The following LRP1B variants were observed in gnomAD, a reference collection of about 807,000 sequenced individuals.
LRP1B encodes the protein low-density lipoprotein receptor-related protein 1B.
Under a neutral mutation model 556.6 loss-of-function variants are expected in LRP1B, and 217 were observed. The observed-to-expected ratio is 0.39, with a 90% CI of 0.35 to 0.44. LRP1B has a LOEUF of 0.44. Ranked by LOEUF, LRP1B falls within the 20% of genes least tolerant of loss-of-function variation. LRP1B has a pLI of 1.00. For missense variants in LRP1B, 5,053 were observed against 5,620.8 expected, an observed-to-expected ratio of 0.90 and a Z score of 3.23; for synonymous variants, 2,047 against 1,865.8, an observed-to-expected ratio of 1.10 and a Z score of -2.50.
chr2:140,282,960 C>G (rs1682977776), intron 84 of LRP1B, among the ~76,000 whole-genome samples: 1 of 151,726 alleles, frequency 6.6e-6, no homozygotes, highest in African/African-American at 2.4e-5. Flanking sequence ...TAAGACATAC[C>G]TACAGCATTA....
chr2:141,317,812 A>G (rs1679396212), intron 3 of LRP1B, among the ~76,000 whole-genome samples: 1 of 152,172 alleles, frequency 6.6e-6, no homozygotes, highest in South Asian at 2.1e-4. Context: ...GAAGATCAAG[A>G]GTGAAAAATA....
chr2:140,614,253 T>C (rs1168081812), intron 41 of LRP1B, among the ~76,000 whole-genome samples: 1 of 152,138 alleles, frequency 6.6e-6, no homozygotes, highest in Non-Finnish European at 1.5e-5. Context: ...TGATCAAATC[T>C]ATCCAAATTT....
At chr2:141,665,953 G>T (rs1489676531) in intron 2 of LRP1B, among the ~76,000 whole-genome samples, 1 of 152,034 alleles carries the variant, frequency 6.6e-6, no homozygotes, top group Non-Finnish European at 1.5e-5. Context: ...ACACATGGGG[G>T]CCTGTTGGGG....
At chr2:140,958,653 G>A (rs1223343952) in intron 18 of LRP1B, among the ~76,000 whole-genome samples, 2 of 151,492 alleles carry the variant, frequency 1.3e-5, no homozygotes, top group Non-Finnish European at 3.0e-5. Flanking sequence ...AGAATTTAAG[G>A]AGACATGACT....
intron 67 of LRP1B, among the ~76,000 whole-genome samples, chr2:140,380,293 T>C (rs969906454): frequency 2.0e-5 from 3 of 152,094 alleles, no homozygotes; most frequent in Non-Finnish European, 2.9e-5. Context: ...TCCCATACAA[T>C]TGAGGAAAAA....
intron 6 of LRP1B, among the ~76,000 whole-genome samples, chr2:141,190,388 C>T (rs1035166576): frequency 3.9e-5 from 6 of 151,936 alleles, no homozygotes; most frequent in African/African-American, 1.4e-4. Flanking sequence ...CTACGCTATT[C>T]TCAATGCTGC....
At chr2:142,050,429 G>A (rs1402632904) in intron 1 of LRP1B, among the ~76,000 whole-genome samples, 1 of 152,008 alleles carries the variant, frequency 6.6e-6, no homozygotes, top group Non-Finnish European at 1.5e-5. Flanking sequence ...TTTGACAGGT[G>A]CCATTATACA....
intron 11 of LRP1B, among the ~76,000 whole-genome samples, chr2:141,045,007 C>G (rs2105438692): frequency 6.6e-6 from 1 of 151,682 alleles, no homozygotes; most frequent in South Asian, 2.1e-4. Flanking sequence ...ATAGCAAAGA[C>G]TTGGAACCAA....
At chr2:141,527,124 C>T (rs1684717010) in intron 2 of LRP1B, among the ~76,000 whole-genome samples, 1 of 151,916 alleles carries the variant, frequency 6.6e-6, no homozygotes, top group South Asian at 2.1e-4. Context: ...TGTTTTGTTG[C>T]TCTTTATATT....
chr2:141,322,055 A>T (rs111739657), intron 3 of LRP1B, among the ~76,000 whole-genome samples: 3,198 of 152,216 alleles, frequency 0.021, 56 homozygotes, highest in Non-Finnish European at 0.034. Context: ...CCCCTTGTTA[A>T]CAGTGACATT....
intron 1 of LRP1B, among the ~76,000 whole-genome samples, chr2:142,111,787 T>C (rs1000150000): frequency 6.6e-6 from 1 of 152,082 alleles, no homozygotes; most frequent in Admixed American, 6.6e-5. Context: ...ACTACTATTA[T>C]AACAAACATT....
chr2:141,504,788 T>A (rs4635467), intron 2 of LRP1B, among the ~76,000 whole-genome samples: 126,346 of 152,032 alleles, frequency 0.83, 52,831 homozygotes, highest in East Asian at 0.97. Flanking sequence ...TTAAAATTCA[T>A]ATTAATTGCA....
rs78493819 is a variant in LRP1B at position 141,859,033 on chromosome 2, C to G, written c.83-48632G>C. Among the ~76,000 whole-genome samples, 1,000 of 151,914 alleles carry G rather than the reference C, an allele frequency of 6.6e-3. 14 individuals carry two copies. The highest frequency in any genetic ancestry group is 0.022 in the African/African-American group (931 of 41,512). ...CATTTAAGGTTGTCCTCTCTTTCCCCCTCTAGGGCTAATTTAAATCCATCT... is the reference window on the plus strand; with the variant it reads ...CATTTAAGGTTGTCCTCTCTTTCCCGCTCTAGGGCTAATTTAAATCCATCT... On this transcript the variant is annotated intron_variant, in intron 1 of 90. Transcript: ENST00000389484.
chr2:140,500,950 A>G (rs1689160175), intron 55 of LRP1B, among the ~76,000 whole-genome samples: 1 of 151,928 alleles, frequency 6.6e-6, no homozygotes, highest in Non-Finnish European at 1.5e-5. Flanking sequence ...TCCATTAAAC[A>G]CACTAATTTT....
rs143825620 is a variant in LRP1B at position 141,491,935 on chromosome 2, G to T, written c.206-11402C>A. Among the ~76,000 whole-genome samples the T allele has an allele frequency of 5.4e-3, 826 of 151,960 alleles. 10 individuals are homozygous for T. The highest frequency in any genetic ancestry group is 0.019 in the African/African-American group (784 of 41,452). ...AGTTAGATGCAGGTCCCCAGTTAAGGCTTAAAAACCAAAGGCATGCTAATG... is the reference window on the plus strand; with the variant it reads ...AGTTAGATGCAGGTCCCCAGTTAAGTCTTAAAAACCAAAGGCATGCTAATG... On this transcript the variant is annotated intron_variant, in intron 2 of 90. Coordinates refer to ENST00000389484, the MANE Select transcript of LRP1B (RefSeq NM_018557.3).
At chr2:141,272,063 C>T (rs1685111522) in intron 3 of LRP1B, among the ~76,000 whole-genome samples, 1 of 151,980 alleles carries the variant, frequency 6.6e-6, no homozygotes, top group Non-Finnish European at 1.5e-5. Context: ...AAAATCTTTC[C>T]TAACCTGTCT....
At chr2:141,591,831 CA>C (rs1687351591) in intron 2 of LRP1B, among the ~76,000 whole-genome samples, 1 of 147,892 alleles carries the variant, frequency 6.8e-6, no homozygotes, top group African/African-American at 2.5e-5. Flanking sequence ...ATTTGGGACA[CA>C]ATAGCCAGCT....
chr2:141,677,131 A>C (rs552572022), intron 2 of LRP1B, among the ~76,000 whole-genome samples: 27 of 152,338 alleles, frequency 1.8e-4, no homozygotes, highest in African/African-American at 6.3e-4. Context: ...TTCTTAAAGA[A>C]GTAACATTTC....
chr2:141,675,040 CTTTTG>C (rs1262229290), intron 2 of LRP1B, among the ~76,000 whole-genome samples: 1 of 151,694 alleles, frequency 6.6e-6, no homozygotes, highest in East Asian at 1.9e-4. Context: ...TGTTTAGAAA[CTTTTG>C]TTTTTATTTT....
Sources: gnomAD v4.1 joint callset for allele counts (sites outside exome capture counted in the v4.1 genomes callset) on GRCh38, gnomAD v4.1.1 for gene constraint, MANE v1.5 for transcripts, NCBI Gene and HGNC (gene_info 2026-07-23, HGNC 2026-07-21) for gene names.